Variants in SULT1A1 observed in about 807,000 individuals in gnomAD.
SULT1A1 encodes sulfotransferase 1A1.
In SULT1A1, 35 loss-of-function variants were observed where a neutral mutation model predicts 36.8. The ratio of observed to expected loss-of-function variants is 0.95; its 90% CI spans 0.73 to 1.26. SULT1A1 has a LOEUF of 1.26. Ranked by LOEUF, SULT1A1 falls within the 50% of genes most tolerant of loss-of-function variation. The pLI, the probability that SULT1A1 is intolerant of heterozygous loss-of-function variation, is 0.00. For synonymous variants in SULT1A1, 119 were observed against 146.0 expected (o/e 0.82, Z 1.33); for missense variants, 309 against 383.0 (o/e 0.81, Z 1.61).
chr16:28,606,720 C>T (rs755401865), intron 6 of SULT1A1, 41 bp downstream of exon 6: 10 of 1,606,176 alleles, frequency 6.2e-6, no homozygotes, highest in Non-Finnish European at 6.0e-6. Context: ...GGTGCCTGCC[C>T]CCAGGAGTCA....
intron 1 of SULT1A1, chr16:28,623,067 A>G (rs1404169834): frequency 6.6e-7 from 1 of 1,504,562 alleles, no homozygotes; most frequent in Admixed American, 2.0e-5. Flanking sequence ...CTTGATCCCC[A>G]AGTCCCTGCC....
upstream of SULT1A1, chr16:28,610,386 G>C (rs1262541794): frequency 8.6e-6 from 4 of 467,672 alleles, no homozygotes; most frequent in Non-Finnish European, 1.4e-5. Flanking sequence ...CAAGAGAGGG[G>C]AGGGATTGGA....
At position 28,609,916 on chromosome 16, in the gene SULT1A1, C is replaced by T. The variant is rs1417771031; in HGVS notation, c.-5+15G>A. 7.8e-6 allele frequency: 10 copies of T among 1,283,346 alleles called. No individual in the cohort carries two copies. The highest frequency in any genetic ancestry group is 1.0e-5 in the Non-Finnish European group (10 of 985,432). 79.5% of individuals were successfully genotyped at this position (1,283,346 alleles called of 1,614,324 possible). On this transcript the variant is annotated intron_variant, in intron 1 of 7. Transcript: ENST00000314752. ...AGGGTGAGGGCGCCCTGGGCCGTTC[C>T]ACTGTGTCACTCACCTGAGCTCTTG...
At chr16:28,620,967 G>A (rs8049739) in intron 1 of SULT1A1, among the ~76,000 whole-genome samples, 1 of 151,716 alleles carries the variant, frequency 6.6e-6, no homozygotes, top group Non-Finnish European at 1.5e-5. Context: ...AAAATTAGCT[G>A]GGTGTGGTGG....
upstream of SULT1A1, chr16:28,610,859 C>T (rs772354668): frequency 2.0e-5 from 3 of 152,376 alleles, no homozygotes; most frequent in Non-Finnish European, 4.4e-5. Flanking sequence ...ACTTTAAAGT[C>T]CAAGGTCAAG....
chr16:28,617,806 AG>A (rs770074966), intron 2 of SULT1A1, among the ~76,000 whole-genome samples: 17 of 151,996 alleles, frequency 1.1e-4, no homozygotes, highest in East Asian at 5.8e-4. Flanking sequence ...CTGGGATTAC[AG>A]GTGTGAGTTG....
At chr16:28,610,521 G>A, upstream of SULT1A1, 1 of 305,952 alleles carries the variant, frequency 3.3e-6, no homozygotes, top group Non-Finnish European at 6.4e-6. Context: ...ATGCACTCCA[G>A]GCTCTGACCA....
exon 1 of SULT1A1, chr16:28,623,142 G>C (rs1255684436): frequency 1.3e-6 from 2 of 1,546,210 alleles, no homozygotes; most frequent in East Asian, 4.9e-5. Context: ...GGCGTAGAAG[G>C]CCGAGACCGC....
upstream of SULT1A1, among the ~76,000 whole-genome samples, chr16:28,614,461 G>A (rs2047491496): frequency 7.7e-6 from 1 of 129,090 alleles, no homozygotes; most frequent in African/African-American, 2.6e-5. Context: ...CTCACCAGGA[G>A]TGCAATGGCC....
intron 1 of SULT1A1, chr16:28,609,727 C>T (rs2151700207): frequency 7.1e-6 from 4 of 561,142 alleles, no homozygotes; most frequent in South Asian, 5.9e-5. Context: ...GCACTCCAGC[C>T]TGGGTGACAG....
intron 1 of SULT1A1, chr16:28,620,190 G>T: frequency 6.5e-7 from 1 of 1,531,584 alleles, no homozygotes; most frequent in Non-Finnish European, 9.0e-7. Flanking sequence ...CTGTATAACA[G>T]TTCATGTTTA....
At chr16:28,606,661 TGGGGGCTGCCCAGGGA>T in intron 6 of SULT1A1, 84 bp downstream of exon 6, 1 of 1,540,950 alleles carries the variant, frequency 6.5e-7, no homozygotes, top group South Asian at 1.2e-5. Context: ...GGTCCTGCTG[TGGGGGCTGCCCAGGGA>T]GGGGGCTGGG....
At chr16:28,619,765 G>T (rs1347023582) in intron 2 of SULT1A1, among the ~76,000 whole-genome samples, 38 of 47,520 alleles carry the variant, frequency 8.0e-4, no homozygotes, top group African/African-American at 2.3e-3. Flanking sequence ...TATATATATA[G>T]ACACACACAC....
In SULT1A1 at chr16:28,620,104, T is replaced by C. The variant is rs745708715; in HGVS notation, c.97A>G (p.Ile33Val). 5 of 1,613,354 alleles carry C rather than the reference T, an allele frequency of 3.1e-6. No homozygotes were observed. In the East Asian group the frequency reaches 1.1e-4, roughly 36 times the overall value. Residue 33 changes from isoleucine to valine, a missense_variant, in exon 2 of 6, where the codon ATA becomes GTA. By Grantham distance (29) the Ile-to-Val change is conservative. Transcript: ENST00000350842. The stretch of plus-strand genomic sequence containing the variant: ...AATTTCTGTTTCAGGTCCAAAAATA[T>C]GTCATCCTTTCCCTGGAGAATGCTC...
chr16:28,606,539 G>A (rs1212244675), intron 6 of SULT1A1, among the ~76,000 whole-genome samples: 2 of 151,974 alleles, frequency 1.3e-5, no homozygotes, highest in East Asian at 1.9e-4. Flanking sequence ...TTTCTGATCC[G>A]TGGCCCCCCA....
intron 1 of SULT1A1, among the ~76,000 whole-genome samples, chr16:28,622,895 A>T (rs901380948): frequency 6.6e-6 from 1 of 151,942 alleles, no homozygotes; most frequent in African/African-American, 2.4e-5. Context: ...TGGCTCCCCA[A>T]TTTCTCGGCT....
intron 1 of SULT1A1, among the ~76,000 whole-genome samples, chr16:28,621,921 A>G (rs1439478697): frequency 2.6e-5 from 4 of 152,114 alleles, no homozygotes; most frequent in Non-Finnish European, 5.9e-5. Flanking sequence ...CAGCCTCCTG[A>G]CCTCAACCTG....
Position 28,605,393 on chromosome 16 carries a change from G to A in SULT1A1, c.*428C>T, listed in dbSNP as rs1243166302. 1.0e-5 allele frequency: 3 copies of A among 286,132 alleles called. No homozygotes were observed. In the Admixed American group the frequency reaches 1.5e-4, roughly 15 times the overall value. 17.7% of individuals were successfully genotyped at this position (286,132 alleles called of 1,614,324 possible). On this transcript the variant is annotated 3_prime_UTR_variant, in exon 8 of 8. Coordinates refer to ENST00000314752, the MANE Select transcript of SULT1A1 (RefSeq NM_001055.4). ...TCAGGCGATCCTCCTGCCTTCACTT[G>A]TCAAGTAGCTGGGACTACAGGTGCC...
intron 1 of SULT1A1, chr16:28,622,991 C>G (rs2047685199): frequency 1.7e-6 from 2 of 1,173,516 alleles, no homozygotes; most frequent in Non-Finnish European, 2.4e-6. Context: ...TCTGAAGCAG[C>G]TCCGGTCTCA....
Sources: gnomAD v4.1 joint callset for allele counts (sites outside exome capture counted in the v4.1 genomes callset) on GRCh38, gnomAD v4.1.1 for gene constraint, MANE v1.5 for transcripts, NCBI Gene and HGNC (gene_info 2026-07-23, HGNC 2026-07-21) for gene names.